Variants in RALGPS1 observed in about 807,000 individuals in gnomAD.
RALGPS1 encodes the protein Ral GEF with PH domain and SH3 binding motif 1, also known as ras-specific guanine nucleotide-releasing factor RalGPS1.
Under a neutral mutation model 78.8 loss-of-function variants are expected in RALGPS1, and 19 were observed. The ratio of observed to expected loss-of-function variants is 0.24; its 90% CI spans 0.17 to 0.35. The LOEUF is 0.35. RALGPS1 is among the 10% of genes least tolerant of loss of function. The pLI is 1.00. For synonymous variants in RALGPS1, 228 were observed against 256.3 expected (o/e 0.89, Z 1.06); for missense variants, 454 against 688.3 (o/e 0.66, Z 3.81).
intron 1 of RALGPS1, among the ~76,000 whole-genome samples, chr9:126,956,528 G>A (rs370190881): frequency 2.6e-5 from 4 of 152,126 alleles, no homozygotes; most frequent in South Asian, 2.1e-4. Context: ...CAGACCTCCC[G>A]TATAAAGCAT....
intron 9 of RALGPS1, among the ~76,000 whole-genome samples, chr9:127,167,099 A>G (rs1013673570): frequency 6.6e-5 from 10 of 152,142 alleles, no homozygotes; most frequent in African/African-American, 2.2e-4. Context: ...CAGAGGAGTA[A>G]AAGTCCGGAA....
At chr9:127,071,880 A>C (rs866721056) in intron 8 of RALGPS1, among the ~76,000 whole-genome samples, 13 of 152,236 alleles carry the variant, frequency 8.5e-5, no homozygotes, top group African/African-American at 3.1e-4. Context: ...TAATAATCAC[A>C]GTTGTGCAAA....
At chr9:127,070,125 CCTCAGATGATTACT>C (rs1321398920) in intron 8 of RALGPS1, 1 of 152,152 alleles carries the variant, frequency 6.6e-6, no homozygotes, top group Non-Finnish European at 1.5e-5. Flanking sequence ...AGCTGTTCCA[CCTCAGATGATTACT>C]CTGAGGAGGA....
chr9:127,073,446 TTGTGTG>T (rs372544285), intron 8 of RALGPS1, among the ~76,000 whole-genome samples: 2 of 88,538 alleles, frequency 2.3e-5, no homozygotes, highest in African/African-American at 8.0e-5. Context: ...TAGTACACCA[TTGTGTG>T]TGTGTGTGTG....
intron 1 of RALGPS1, among the ~76,000 whole-genome samples, chr9:126,949,997 G>A (rs2037658977): frequency 6.6e-6 from 1 of 152,148 alleles, no homozygotes; most frequent in South Asian, 2.1e-4. Context: ...TGTATAAGGT[G>A]TAAGGAAGGG....
At chr9:127,153,662 C>A (rs1412757072) in intron 8 of RALGPS1, among the ~76,000 whole-genome samples, 1 of 152,188 alleles carries the variant, frequency 6.6e-6, no homozygotes, top group East Asian at 1.9e-4. Flanking sequence ...TGACCTGCCA[C>A]CTTCCTTCAG....
At chr9:126,955,043 G>C (rs557925762) in intron 1 of RALGPS1, among the ~76,000 whole-genome samples, 20 of 152,288 alleles carry the variant, frequency 1.3e-4, no homozygotes, top group African/African-American at 4.8e-4. Flanking sequence ...TATTCCCACT[G>C]GTTTGTATGG....
intron 4 of RALGPS1, among the ~76,000 whole-genome samples, chr9:127,015,981 C>G (rs2044782252): frequency 6.6e-6 from 1 of 151,756 alleles, no homozygotes; most frequent in African/African-American, 2.4e-5. Flanking sequence ...CCTTTCCTTT[C>G]TTCCCTTTCT....
chr9:127,045,730 TACACACACACACACAC>T (rs60442898), intron 5 of RALGPS1, among the ~76,000 whole-genome samples: 2 of 141,390 alleles, frequency 1.4e-5, no homozygotes, highest in Non-Finnish European at 3.1e-5. Context: ...CATGGGTTAG[TACACACACACACACAC>T]ACACACACAC....
intron 4 of RALGPS1, among the ~76,000 whole-genome samples, chr9:127,008,943 T>G (rs2044103532): frequency 6.6e-6 from 1 of 152,220 alleles, no homozygotes; most frequent in African/African-American, 2.4e-5. Flanking sequence ...CTCTGAGAAG[T>G]ATGTTCTTGA....
At chr9:127,145,246 T>TA (rs1208527309) in intron 8 of RALGPS1, among the ~76,000 whole-genome samples, 2 of 151,798 alleles carry the variant, frequency 1.3e-5, no homozygotes, top group African/African-American at 4.8e-5. Context: ...TCGTCGGTAT[T>TA]ATCTCACTGT....
At chr9:127,030,989 A>G (rs2046386742) in intron 4 of RALGPS1, among the ~76,000 whole-genome samples, 1 of 152,188 alleles carries the variant, frequency 6.6e-6, no homozygotes, top group Admixed American at 6.5e-5. Flanking sequence ...GTCCCCTCAC[A>G]TCCAGTCAGC....
At chr9:127,209,193 C>T (rs2062099221) in intron 14 of RALGPS1, among the ~76,000 whole-genome samples, 1 of 152,220 alleles carries the variant, frequency 6.6e-6, no homozygotes, top group Non-Finnish European at 1.5e-5. Flanking sequence ...GAAGAAAGCC[C>T]CGGGGCTGGA....
chr9:126,988,711 C>T (rs1351296023), intron 4 of RALGPS1, among the ~76,000 whole-genome samples: 1 of 152,218 alleles, frequency 6.6e-6, no homozygotes, highest in East Asian at 1.9e-4. Context: ...AAGGTGGTCA[C>T]ACTGGAGAGA....
chr9:126,988,802 G>C (rs572992927), intron 4 of RALGPS1, among the ~76,000 whole-genome samples: 1 of 152,316 alleles, frequency 6.6e-6, no homozygotes, highest in South Asian at 2.1e-4. Flanking sequence ...GTTGTGTCTG[G>C]AGAAAAGTGG....
rs766967837 is a variant in RALGPS1 at position 127,212,168 on chromosome 9, G to A, written c.1285G>A (p.Ala429Thr). The change falls in exon 15 of 19, where the codon GCA becomes ACA. Residue 429 changes from alanine (A) to threonine (T), a missense_variant. Ala to Thr is a moderately conservative substitution (Grantham distance 58). Transcript: ENST00000259351. The surrounding 1 kb of genome is among the most constrained non-coding windows in gnomAD (Gnocchi z 6.0). ...GTGCATCTGTTCTCTGGGGAACTCCGCAGCTGTGCCCACCATGGAGGGGCC... is the reference window on the plus strand; with the variant it reads ...GTGCATCTGTTCTCTGGGGAACTCCACAGCTGTGCCCACCATGGAGGGGCC... The part of the protein sequence containing the change: ...GPCICSLGNS[A>T]AVPTMEGPLR... 44 of 1,613,696 alleles carry A rather than the reference G, an allele frequency of 2.7e-5. No individual in the cohort carries two copies. The highest frequency in any genetic ancestry group is 1.6e-4 in the Middle Eastern group (1 of 6,078).
chr9:127,093,048 T>C (rs1035442692), intron 8 of RALGPS1, among the ~76,000 whole-genome samples: 1 of 151,958 alleles, frequency 6.6e-6, no homozygotes, highest in East Asian at 1.9e-4. Flanking sequence ...CCTCAGGAGG[T>C]TGATACGAGA....
Position 127,045,740 on chromosome 9 carries a change from CACACACACACACACACACACAT to C in RALGPS1, c.301-4281_301-4260del, listed in dbSNP as rs200705848. Reference sequence around the variant, plus strand: ...ATAGGCATGGGTTAGTACACACACACACACACACACACACACACACATACACACACACACACACACACACACA... The same window carrying C: ...ATAGGCATGGGTTAGTACACACACACACACACACACACACACACACACACA... On this transcript the variant is annotated intron_variant, in intron 5 of 18. Transcript: ENST00000259351. Among the ~76,000 whole-genome samples the C allele has an allele frequency of 4.5e-3, 443 of 98,000 alleles. 2 individuals carry two copies. The highest frequency in any genetic ancestry group is 0.03 in the East Asian group (101 of 3,326). The allele number at this position is 98,000 out of a possible 152,430, so 64.3% of individuals were successfully genotyped here. A position where few individuals can be genotyped will look rare whatever the true frequency, so the allele number is the denominator to read the frequency against.
chr9:127,081,282 T>C (rs1048457053), intron 8 of RALGPS1, among the ~76,000 whole-genome samples: 1 of 152,236 alleles, frequency 6.6e-6, no homozygotes, highest in Non-Finnish European at 1.5e-5. Context: ...GGCTCTAAGA[T>C]AGGTAGCCAG....
Sources: allele counts gnomAD v4.1 joint callset (sites outside exome capture counted in the v4.1 genomes callset), GRCh38; gene constraint gnomAD v4.1.1; non-coding constraint Gnocchi (gnomAD v3.1); transcripts MANE v1.5; gene names NCBI Gene and HGNC (gene_info 2026-07-23, HGNC 2026-07-21).